The following PTPRD variants were observed in gnomAD, a reference collection of about 807,000 sequenced individuals.
PTPRD encodes protein tyrosine phosphatase receptor type D, also known as receptor-type tyrosine-protein phosphatase delta.
PTPRD carries 34 observed loss-of-function variants against 214.5 expected under a neutral mutation model. The observed-to-expected ratio is 0.16, with a 90% CI of 0.12 to 0.21. PTPRD has a LOEUF of 0.21. Ranked by LOEUF, PTPRD falls within the 10% of genes least tolerant of loss-of-function variation. The pLI, the probability that PTPRD is intolerant of heterozygous loss-of-function variation, is 1.00. For missense variants in PTPRD, 2,545 were observed against 2,398.7 expected (o/e 1.06, Z -1.27); for synonymous variants, 1,128 against 845.7 (o/e 1.33, Z -5.79).
chr9:9,601,107 A>ATG, intron 7 of PTPRD, among the ~76,000 whole-genome samples: 1 of 84,636 alleles, frequency 1.2e-5, no homozygotes, highest in South Asian at 5.2e-4. Flanking sequence ...AAAGAGATTA[A>ATG]TATATGTGTG....
At chr9:8,976,455 A>G (rs561548613) in intron 11 of PTPRD, among the ~76,000 whole-genome samples, 2 of 152,234 alleles carry the variant, frequency 1.3e-5, no homozygotes, top group Non-Finnish European at 2.9e-5. Context: ...GATAATAATT[A>G]GAAGTCCATT....
intron 2 of PTPRD, among the ~76,000 whole-genome samples, chr9:10,418,202 T>C (rs2098511459): frequency 6.6e-6 from 1 of 151,910 alleles, no homozygotes; most frequent in East Asian, 1.9e-4. Flanking sequence ...ACAAAAGCAT[T>C]CAATCTATTA....
chr9:10,355,357 C>A (rs951112861), intron 2 of PTPRD, among the ~76,000 whole-genome samples: 4 of 147,830 alleles, frequency 2.7e-5, no homozygotes, highest in Non-Finnish European at 6.0e-5. Flanking sequence ...CAATACTTTG[C>A]TAATGTGAAC....
intron 14 of PTPRD, among the ~76,000 whole-genome samples, chr9:8,529,090 G>C (rs1298481311): frequency 6.6e-6 from 1 of 152,110 alleles, no homozygotes; most frequent in East Asian, 1.9e-4. Context: ...TGAGTACCCA[G>C]AGGAAGCTCT....
At chr9:9,759,403 C>A (rs1192723218) in intron 6 of PTPRD, among the ~76,000 whole-genome samples, 2 of 152,162 alleles carry the variant, frequency 1.3e-5, no homozygotes, top group African/African-American at 2.4e-5. Flanking sequence ...AATGCTAGTA[C>A]AGCTGAGGAG....
At chr9:9,320,940 C>T (rs559077159) in intron 9 of PTPRD, among the ~76,000 whole-genome samples, 2 of 152,256 alleles carry the variant, frequency 1.3e-5, no homozygotes, top group African/African-American at 4.8e-5. Context: ...TAGGCTCCTT[C>T]AAGAACAGAA....
At chr9:10,358,701 A>G (rs2097322829) in intron 2 of PTPRD, among the ~76,000 whole-genome samples, 1 of 151,992 alleles carries the variant, frequency 6.6e-6, no homozygotes, top group African/African-American at 2.4e-5. Flanking sequence ...ATATATATAT[A>G]AAGTTTTTAA....
intron 3 of PTPRD, among the ~76,000 whole-genome samples, chr9:10,147,963 G>C (rs1592387885): frequency 6.6e-6 from 1 of 152,172 alleles, no homozygotes; most frequent in Non-Finnish European, 1.5e-5. Flanking sequence ...GAGCCCATTA[G>C]AAAAGTGAAA....
intron 10 of PTPRD, among the ~76,000 whole-genome samples, chr9:9,180,607 A>G (rs572515343): frequency 2.0e-4 from 31 of 152,252 alleles, no homozygotes; most frequent in Admixed American, 1.6e-3. Context: ...TAGTAATAAA[A>G]TTAAAAAATA....
intron 23 of PTPRD, among the ~76,000 whole-genome samples, chr9:8,501,648 C>G (rs2097410683): frequency 6.6e-6 from 1 of 152,126 alleles, no homozygotes; most frequent in African/African-American, 2.4e-5. Flanking sequence ...ATCTGAAAAA[C>G]TGAGTTTGCC....
rs184655895 is a variant in PTPRD, at chr9:9,101,155, A to C, written c.-143+82149T>G. 3.3e-3 allele frequency among the ~76,000 whole-genome samples: 506 copies of C among 152,154 alleles called. 4 individuals are homozygous for C. The highest frequency in any genetic ancestry group is 0.012 in the African/African-American group (487 of 41,536). On this transcript the variant is annotated intron_variant, in intron 10 of 45. Transcript: ENST00000381196. The stretch of plus-strand genomic sequence containing the variant: ...GACCAGAAGCTTTAGCAAATGAACA[A>C]TAATGATCAGCAAAACAAAACAAAA...
chr9:8,936,860 T>C (rs77259796), intron 11 of PTPRD, among the ~76,000 whole-genome samples: 21,234 of 152,230 alleles, frequency 0.14, 1,830 homozygotes, highest in Non-Finnish European at 0.19. Context: ...GAATTCACTT[T>C]GAGATTTACA....
chr9:9,646,116 C>T (rs10977910), intron 7 of PTPRD, among the ~76,000 whole-genome samples: 42,183 of 152,030 alleles, frequency 0.28, 6,721 homozygotes, highest in African/African-American at 0.4. Flanking sequence ...CCATCTAAGA[C>T]AGTCCATTTG....
intron 10 of PTPRD, among the ~76,000 whole-genome samples, chr9:9,021,275 G>A (rs1257988438): frequency 6.6e-6 from 1 of 152,098 alleles, no homozygotes; most frequent in African/African-American, 2.4e-5. Flanking sequence ...TTATAACAGA[G>A]CTGAAAAATT....
At chr9:8,351,406 CTTTTT>C (rs35280197) in intron 39 of PTPRD, among the ~76,000 whole-genome samples, 3 of 147,258 alleles carry the variant, frequency 2.0e-5, no homozygotes. Context: ...TTTTTTGTAG[CTTTTT>C]TTTTTAACAA....
intron 2 of PTPRD, among the ~76,000 whole-genome samples, chr9:10,423,421 T>C (rs547969670): frequency 6.6e-6 from 1 of 152,084 alleles, no homozygotes; most frequent in African/African-American, 2.4e-5. Context: ...AACCTGCATG[T>C]TGTGCATATG....
At position 9,705,995 on chromosome 9, in the gene PTPRD, C is replaced by T. The variant is rs190048619; in HGVS notation, c.-287+28538G>A. The stretch of plus-strand genomic sequence containing the variant: ...ATTAATGGCTTTGGGCAATGTTTCC[C>T]TCATCTTTAAAATGGACATGATAAT... On this transcript the variant is annotated intron_variant, in intron 7 of 45. Transcript: ENST00000381196. 4.1e-4 allele frequency among the ~76,000 whole-genome samples: 63 copies of T among 152,050 alleles called. 1 individual carries two copies. The highest frequency in any genetic ancestry group is 1.4e-3 in the African/African-American group (59 of 41,404).
At chr9:8,773,378 CTTCTG>C (rs759265783) in intron 11 of PTPRD, among the ~76,000 whole-genome samples, 101 of 152,276 alleles carry the variant, frequency 6.6e-4, no homozygotes, top group Non-Finnish European at 1.3e-3. Flanking sequence ...TAATTGATCT[CTTCTG>C]TTTAAACCCT....
At chr9:10,509,853 G>A (rs1044926800) in intron 2 of PTPRD, among the ~76,000 whole-genome samples, 1 of 151,522 alleles carries the variant, frequency 6.6e-6, no homozygotes, top group African/African-American at 2.4e-5. Flanking sequence ...TATATATACA[G>A]GTATATATTT....
Sources: allele counts gnomAD v4.1 joint callset (sites outside exome capture counted in the v4.1 genomes callset), GRCh38; gene constraint gnomAD v4.1.1; transcripts MANE v1.5; gene names NCBI Gene and HGNC (gene_info 2026-07-23, HGNC 2026-07-21).